Variants in KCNK13 observed in about 807,000 individuals in gnomAD.
KCNK13 encodes the protein potassium two pore domain channel subfamily K member 13.
A neutral mutation model predicts 23.4 loss-of-function variants in KCNK13; 12 were observed. The ratio of observed to expected loss-of-function variants is 0.51; its 90% confidence interval spans 0.33 to 0.83. The LOEUF (loss-of-function observed/expected upper bound fraction) is 0.83, where lower values mean the gene tolerates loss of function less well. Ranked by LOEUF, KCNK13 falls within the 40% of genes least tolerant of loss-of-function variation. The pLI is 0.02. For missense variants in KCNK13, 463 were observed against 556.3 expected (o/e 0.83, Z 1.69); for synonymous variants, 231 against 229.5 (o/e 1.01, Z -0.06).
At chr14:90,135,734 G>A (rs1889928454) in intron 1 of KCNK13, among the ~76,000 whole-genome samples, 1 of 152,138 alleles carries the variant, frequency 6.6e-6, no homozygotes, top group Non-Finnish European at 1.5e-5. Context: ...CCCTCTTCAA[G>A]AAAAGGACTC....
chr14:90,101,603 A>G (rs1698311136), intron 1 of KCNK13, among the ~76,000 whole-genome samples: 1 of 151,634 alleles, frequency 6.6e-6, no homozygotes, highest in Non-Finnish European at 1.5e-5. Flanking sequence ...ACCCTGCGCA[A>G]CATGGTGAAA....
chr14:90,164,545 C>T (rs912624982), intron 1 of KCNK13, among the ~76,000 whole-genome samples: 1 of 152,134 alleles, frequency 6.6e-6, no homozygotes, highest in Non-Finnish European at 1.5e-5. Context: ...TAGGGTTGTT[C>T]CCTAGAGTTA....
At chr14:90,083,079 C>T (rs1406214422) in intron 1 of KCNK13, among the ~76,000 whole-genome samples, 4 of 152,160 alleles carry the variant, frequency 2.6e-5, no homozygotes, top group Non-Finnish European at 5.9e-5. Context: ...AAGATCTGTT[C>T]AGATTCTTTG....
chr14:90,130,973 G>A (rs1019707398), intron 1 of KCNK13, among the ~76,000 whole-genome samples: 1 of 152,170 alleles, frequency 6.6e-6, no homozygotes, highest in African/African-American at 2.4e-5. Flanking sequence ...AAGCCCGAGT[G>A]TGAGAGAGGG....
At chr14:90,128,975 A>G (rs74082621) in intron 1 of KCNK13, among the ~76,000 whole-genome samples, 2,324 of 152,286 alleles carry the variant, frequency 0.015, 55 homozygotes, top group African/African-American at 0.053. Context: ...AAGAGGGACC[A>G]CTACCCTGAA....
At chr14:90,108,436 G>C (rs908788367) in intron 1 of KCNK13, among the ~76,000 whole-genome samples, 1 of 152,126 alleles carries the variant, frequency 6.6e-6, no homozygotes, top group Non-Finnish European at 1.5e-5. Context: ...TGACTTTGTG[G>C]AGTTGGTGTT....
In KCNK13 at chr14:90,184,665, G is replaced by A. The variant is rs768523004; in HGVS notation, c.889G>A (p.Gly297Arg). 10 of 1,614,112 alleles carry A rather than the reference G, an allele frequency of 6.2e-6. No individual in the cohort carries two copies. In the Admixed American group the frequency reaches 6.7e-5, roughly 11 times the overall value. ...LNWILRKMDS[G>R]CCPQCQRGLL... ...CTGGATCCTGAGGAAAATGGACAGC[G>A]GGTGCTGCCCGCAATGCCAGAGAGG... The change falls in exon 2 of 2, where the codon GGG (glycine) becomes AGG (arginine). Residue 297 changes from glycine (G) to arginine (R), a missense_variant. Physicochemically the swap from Gly to Arg is moderately radical, Grantham distance 125 (BLOSUM62 -2). Coordinates refer to ENST00000282146, the MANE Select transcript of KCNK13 (RefSeq NM_022054.4). This position sits in a 1 kb window ranked among gnomAD's most constrained non-coding sequence, Gnocchi z 5.6.
At position 90,108,121 on chromosome 14, in the gene KCNK13, T is replaced by G. The variant is rs941204121; in HGVS notation, c.334+45582T>G. On this transcript the variant is annotated intron_variant, in intron 1 of 1. Transcript: ENST00000282146. ...GCTTTTTTCTTCTTTTGCCTCAGTA[T>G]TTAAAAGTGGATCAACTTGCTCTTG... The G allele has an allele frequency of 1.2e-4, 48 of 400,380 alleles. No homozygotes were observed. In the South Asian group the frequency reaches 1.3e-3, roughly 11 times the overall value. The allele number at this position is 400,380 out of a possible 1,614,324, so 24.8% of individuals were successfully genotyped here. A position where few individuals can be genotyped will look rare whatever the true frequency, so the allele number is the denominator to read the frequency against.
At chr14:90,148,604 G>T (rs150352774) in intron 1 of KCNK13, among the ~76,000 whole-genome samples, 1 of 152,350 alleles carries the variant, frequency 6.6e-6, no homozygotes, top group Non-Finnish European at 1.5e-5. Flanking sequence ...CAGAGGTGCA[G>T]AGTGACAAGG....
At chr14:90,139,223 A>G (rs971862302) in intron 1 of KCNK13, among the ~76,000 whole-genome samples, 1 of 152,212 alleles carries the variant, frequency 6.6e-6, no homozygotes, top group African/African-American at 2.4e-5. Context: ...AAACAAACAC[A>G]GACTGTGATG....
chr14:90,130,026 G>C (rs1889848583), intron 1 of KCNK13, among the ~76,000 whole-genome samples: 1 of 152,042 alleles, frequency 6.6e-6, no homozygotes, highest in East Asian at 1.9e-4. Context: ...GACATGTTTT[G>C]TCTGTTCTTT....
At chr14:90,127,817 TAA>T (rs35453411) in intron 1 of KCNK13, among the ~76,000 whole-genome samples, 11 of 85,138 alleles carry the variant, frequency 1.3e-4, no homozygotes, top group Middle Eastern at 7.5e-3. Flanking sequence ...AGATGCTATC[TAA>T]AAAAAAAAAA....
At chr14:90,102,240 A>G (rs1186508520) in intron 1 of KCNK13, among the ~76,000 whole-genome samples, 11 of 152,156 alleles carry the variant, frequency 7.2e-5, no homozygotes, top group Non-Finnish European at 1.6e-4. Context: ...CTTCAGATCT[A>G]TACGGGCTCC....
At chr14:90,143,189 TCTTTCTTTC>T (rs1566644784) in intron 1 of KCNK13, among the ~76,000 whole-genome samples, 8 of 133,132 alleles carry the variant, frequency 6.0e-5, no homozygotes, top group Non-Finnish European at 8.3e-5. Flanking sequence ...TCTTTTCTTT[TCTTTCTTTC>T]TTTTCTTTCT....
chr14:90,113,958 A>G (rs910621891), intron 1 of KCNK13, among the ~76,000 whole-genome samples: 1 of 152,084 alleles, frequency 6.6e-6, no homozygotes, highest in Non-Finnish European at 1.5e-5. Context: ...AAAAAAAAGA[A>G]TGAAAGAAAA....
chr14:90,084,257 A>C (rs1449226019), intron 1 of KCNK13, among the ~76,000 whole-genome samples: 3 of 152,218 alleles, frequency 2.0e-5, no homozygotes, highest in Non-Finnish European at 4.4e-5. Context: ...TAACAATATT[A>C]AGTGTTCCAA....
rs376173658 is a variant in KCNK13 at position 90,066,918 on chromosome 14, A to T, written c.334+4379A>T. ...AAACAACCCAAGTGCCCATCAACGG[A>T]TGAATGAATTAACCAAATGTGGGCT... On this transcript the variant is annotated intron_variant, in intron 1 of 1. Transcript: ENST00000282146. Among the ~76,000 whole-genome samples the T allele has an allele frequency of 3.3e-5, 5 of 152,354 alleles. No homozygotes were observed. In the East Asian group the frequency reaches 7.7e-4, roughly 23 times the overall value.
intron 1 of KCNK13, among the ~76,000 whole-genome samples, chr14:90,158,557 C>T (rs1322212050): frequency 1.3e-5 from 2 of 152,188 alleles, no homozygotes; most frequent in African/African-American, 4.8e-5. Context: ...TGGTTTACAG[C>T]CTTGTTTTCA....
intron 1 of KCNK13, among the ~76,000 whole-genome samples, chr14:90,087,166 T>TA (rs1555401792): frequency 2.0e-4 from 29 of 142,900 alleles, no homozygotes; most frequent in African/African-American, 3.6e-4. Context: ...TTTTTTTTTT[T>TA]ATTGAGATGG....
Sources: gnomAD v4.1 joint callset for allele counts (sites outside exome capture counted in the v4.1 genomes callset) on GRCh38, gnomAD v4.1.1 for gene constraint, Gnocchi (gnomAD v3.1) non-coding constraint, MANE v1.5 for transcripts, NCBI Gene and HGNC (gene_info 2026-07-23, HGNC 2026-07-21) for gene names.